Variants in DYRK1A observed in about 807,000 individuals in gnomAD.
The protein encoded by DYRK1A is dual specificity tyrosine phosphorylation regulated kinase 1A.
In DYRK1A, 9 loss-of-function variants were observed where a neutral mutation model predicts 79.7. The observed-to-expected ratio is 0.11, with a 90% CI of 0.07 to 0.20. The LOEUF is 0.20. Ranked by LOEUF, DYRK1A falls within the 10% of genes least tolerant of loss-of-function variation. The pLI is 1.00. For synonymous variants in DYRK1A, 349 were observed against 329.7 expected (o/e 1.06, Z -0.63); for missense variants, 622 against 956.0 (o/e 0.65, Z 4.61).
rs376313953 is a variant in DYRK1A, at chr21:37,507,941, A to G, written c.1644+1718A>G. 8.5e-5 allele frequency among the ~76,000 whole-genome samples: 13 copies of G among 152,128 alleles called. No individual in the cohort carries two copies. The East Asian group carries it at 9.7e-4, about 11-fold the overall frequency. On this transcript the variant is annotated intron_variant, in intron 11 of 11. Coordinates refer to ENST00000647188, the MANE Select transcript of DYRK1A (RefSeq NM_001347721.2). ...AAATGTCACCTTGAAAGTCTCAACA[A>G]TATGTGCACACACAGCACATAAACT...
intron 1 of DYRK1A, among the ~76,000 whole-genome samples, chr21:37,407,746 C>T (rs569772443): frequency 6.6e-6 from 1 of 152,234 alleles, no homozygotes; most frequent in East Asian, 1.9e-4. Context: ...AGATAAAAAT[C>T]AAATATGACT....
chr21:37,379,762 G>A (rs1206445230), intron 1 of DYRK1A, among the ~76,000 whole-genome samples: 3 of 152,238 alleles, frequency 2.0e-5, no homozygotes, highest in Admixed American at 6.5e-5. Context: ...GTATTTGCCT[G>A]AAAAAAATCT....
chr21:37,422,256 G>A (rs2050496224), intron 2 of DYRK1A, among the ~76,000 whole-genome samples: 2 of 152,148 alleles, frequency 1.3e-5, no homozygotes, highest in African/African-American at 4.8e-5. Flanking sequence ...AGCTGTTGGT[G>A]TATTCCCTTT....
upstream of DYRK1A, chr21:37,366,021 G>C (rs1178304750): frequency 6.6e-6 from 1 of 152,242 alleles, no homozygotes; most frequent in East Asian, 1.9e-4. Context: ...GAATTCCTGC[G>C]ATGTCTGGGG....
At position 37,384,541 on chromosome 21, in the gene DYRK1A, A is replaced by ACTAC. The variant is rs1160912694; in HGVS notation, c.-77+16913_-77+16914insCTAC. Among the ~76,000 whole-genome samples, 1,377 of 152,312 alleles carry ACTAC rather than the reference A, an allele frequency of 9.0e-3. 16 individuals are homozygous for ACTAC. Among genetic ancestry groups the ACTAC allele is most frequent in the African/African-American group, 0.032 (1,322 of 41,562 alleles). On this transcript the variant is annotated intron_variant, in intron 1 of 11. Coordinates refer to ENST00000647188, the MANE Select transcript of DYRK1A (RefSeq NM_001347721.2). Reference sequence around the variant, plus strand: ...AAGCAAACTAATCTGAAACTAATGTAATTGCCTGTTACTACAGTGCCCAAC... The same window carrying ACTAC: ...AAGCAAACTAATCTGAAACTAATGTACTACATTGCCTGTTACTACAGTGCCCAAC...
At chr21:37,377,401 G>A (rs1054233491) in intron 1 of DYRK1A, among the ~76,000 whole-genome samples, 1 of 152,072 alleles carries the variant, frequency 6.6e-6, no homozygotes, top group African/African-American at 2.4e-5. Flanking sequence ...TTACAGGCTT[G>A]AGCCACCGTG....
chr21:37,366,421 GGGCGGCCGGGA>G (rs1360030730), upstream of DYRK1A, among the ~76,000 whole-genome samples: 1 of 146,434 alleles, frequency 6.8e-6, no homozygotes, highest in East Asian at 2.0e-4. Flanking sequence ...GGGCGGGGCG[GGGCGGCCGGGA>G]GGCGGCGGGC....
At chr21:37,483,709 A>G (rs1446462494) in intron 5 of DYRK1A, among the ~76,000 whole-genome samples, 2 of 152,064 alleles carry the variant, frequency 1.3e-5, no homozygotes, top group African/African-American at 4.8e-5. Flanking sequence ...CAGCCTCTAG[A>G]GTAGCTGGGA....
chr21:37,455,019 CTTTTTTTTTT>C (rs72223324), intron 2 of DYRK1A, among the ~76,000 whole-genome samples: 1 of 116,854 alleles, frequency 8.6e-6, no homozygotes, highest in Admixed American at 8.7e-5. Context: ...GGGTGGTCAC[CTTTTTTTTTT>C]TTTTTTTTTC....
chr21:37,418,617 G>T (rs1390872688), intron 1 of DYRK1A, among the ~76,000 whole-genome samples: 4 of 152,084 alleles, frequency 2.6e-5, no homozygotes, highest in African/African-American at 9.7e-5. Context: ...TTTCCCCATA[G>T]TTCATGTCAT....
intron 2 of DYRK1A, among the ~76,000 whole-genome samples, chr21:37,434,452 ACT>A (rs2050866084): frequency 6.6e-6 from 1 of 152,176 alleles, no homozygotes; most frequent in Non-Finnish European, 1.5e-5. Flanking sequence ...GATTAAAGAA[ACT>A]CTCAACCACT....
chr21:37,479,829 G>T (rs992183429), intron 4 of DYRK1A, among the ~76,000 whole-genome samples: 1 of 151,380 alleles, frequency 6.6e-6, no homozygotes, highest in Non-Finnish European at 1.5e-5. Context: ...GGGTTTCACC[G>T]TGTTAGCCAG....
chr21:37,435,491 C>T, intron 2 of DYRK1A, among the ~76,000 whole-genome samples: 1 of 152,176 alleles, frequency 6.6e-6, no homozygotes, highest in Non-Finnish European at 1.5e-5. Flanking sequence ...TTTAATTGCT[C>T]TGTTAAATAA....
intron 1 of DYRK1A, among the ~76,000 whole-genome samples, chr21:37,388,100 A>ATTTTTTTTTTTTTT (rs34571307): frequency 8.6e-6 from 1 of 116,638 alleles, no homozygotes; most frequent in Non-Finnish European, 1.7e-5. Flanking sequence ...CTTCCCTTTG[A>ATTTTTTTTTTTTTT]TTTTTTTTTT....
intron 2 of DYRK1A, among the ~76,000 whole-genome samples, chr21:37,470,896 A>G (rs1453524470): frequency 1.3e-5 from 2 of 152,232 alleles, no homozygotes; most frequent in African/African-American, 4.8e-5. Flanking sequence ...GAATGATGAA[A>G]TGTTTAGAAA....
At position 37,517,300 on chromosome 21, in the gene DYRK1A, C is replaced by G. The variant is rs575975912; in HGVS notation, c.*4769C>G. The G allele has an allele frequency of 1.3e-5, 2 of 152,240 alleles. No individual in the cohort carries two copies. Among genetic ancestry groups the G allele is most frequent in the Non-Finnish European group, 2.9e-5 (2 of 68,118 alleles). The allele number at this position is 152,240 out of a possible 1,614,324, so 9.4% of individuals were successfully genotyped here. On this transcript the variant is annotated 3_prime_UTR_variant, in exon 12 of 12. Coordinates refer to ENST00000647188, the MANE Select transcript of DYRK1A (RefSeq NM_001347721.2). ...AAGACAAGTGGAGCCCAGCTCTGTTCGCATGGGAGGCCGGGCGATGCTGGC... is the reference window on the plus strand; with the variant it reads ...AAGACAAGTGGAGCCCAGCTCTGTTGGCATGGGAGGCCGGGCGATGCTGGC...
chr21:37,518,730 C>T lies in DYRK1A; in HGVS notation c.*6199C>T, dbSNP rs1464403871. 1 of 151,590 alleles carries T rather than the reference C, an allele frequency of 6.6e-6. No homozygotes were observed. The highest frequency in any genetic ancestry group is 1.5e-5 in the Non-Finnish European group (1 of 67,986). 9.4% of individuals were successfully genotyped at this position (151,590 alleles called of 1,614,324 possible). A position where few individuals can be genotyped will look rare whatever the true frequency, so the allele number is the denominator to read the frequency against. ...TCCCAGATTCAAGCGATTCTCGTGCCTCAGCCTTTCAAGTAGCTGGGATTA... is the reference window on the plus strand; with the variant it reads ...TCCCAGATTCAAGCGATTCTCGTGCTTCAGCCTTTCAAGTAGCTGGGATTA... On this transcript the variant is annotated 3_prime_UTR_variant, in exon 12 of 12. Coordinates refer to ENST00000647188, the MANE Select transcript of DYRK1A (RefSeq NM_001347721.2).
rs1449382748 is a variant in DYRK1A at position 37,520,739 on chromosome 21, A to G, written c.*8208A>G. 1 of 152,262 alleles carries G rather than the reference A, an allele frequency of 6.6e-6. No individual in the cohort carries two copies. The highest frequency in any genetic ancestry group is 1.5e-5 in the Non-Finnish European group (1 of 68,052). The allele number at this position is 152,262 out of a possible 1,614,324, so 9.4% of individuals were successfully genotyped here. ...AGCTTTTGTGCTTCCCAGCAGCTCC[A>G]GGTCTTGTCCCTGGCCAGTCTGGGC... On this transcript the variant is annotated 3_prime_UTR_variant, in exon 12 of 12. Coordinates refer to ENST00000647188, the MANE Select transcript of DYRK1A (RefSeq NM_001347721.2).
rs2051713738 is a variant in DYRK1A, at chr21:37,458,110, T to G, written c.11-14574T>G. 3.3e-5 allele frequency among the ~76,000 whole-genome samples: 5 copies of G among 152,372 alleles called. No homozygotes were observed. In the South Asian group the frequency reaches 1.0e-3, roughly 32 times the overall value. On this transcript the variant is annotated intron_variant, in intron 2 of 11. Transcript: ENST00000647188. ...AGCTAAGCAGGCACCTTTCAACTTT[T>G]GAATGGCTTCATAGTATTACAGCAT... is the stretch of plus-strand genomic sequence containing the variant.
Sources: gnomAD v4.1 joint callset for allele counts (sites outside exome capture counted in the v4.1 genomes callset) on GRCh38, gnomAD v4.1.1 for gene constraint, MANE v1.5 for transcripts, NCBI Gene and HGNC (gene_info 2026-07-23, HGNC 2026-07-21) for gene names.